The following NCCRP1 variants were observed in gnomAD, a reference collection of about 807,000 sequenced individuals.
NCCRP1 encodes the protein F-box only protein 50.
Under a neutral mutation model 34.4 loss-of-function variants are expected in NCCRP1, and 32 were observed. That is an observed-to-expected ratio of 0.93 (90% CI 0.70 to 1.25). The LOEUF is 1.25. Ranked by LOEUF, NCCRP1 falls within the 50% of genes most tolerant of loss-of-function variation. The probability of loss-of-function intolerance (pLI) is 0.00; values close to 1 mark genes in which losing one functional copy is unlikely to be tolerated. For missense variants in NCCRP1, 372 were observed against 391.8 expected (o/e 0.95, Z 0.43); for synonymous variants, 172 against 180.1 (o/e 0.95, Z 0.36).
In NCCRP1 at chr19:39,197,070, C is replaced by A. The variant is rs1450279152; in HGVS notation, c.88C>A (p.Arg30=). 2.6e-6 allele frequency: 4 copies of A among 1,530,184 alleles called. No individual in the cohort carries two copies. In the Admixed American group the frequency reaches 7.9e-5, roughly 30 times the overall value. The allele number at this position is 1,530,184 out of a possible 1,614,324, so 94.8% of individuals were successfully genotyped here. The change falls in exon 1 of 6, where the codon CGG becomes AGG. Residue 30 remains arginine (R), a synonymous_variant. Transcript: ENST00000339852. ...CCTCCAGGAGCTGCCTCCCTCGCCA[C>A]GGTCGCCTTCACCGCCGCCGTCGCC... The part of the protein sequence containing the change: ...ASLQELPPSP[R]SPSPPPSPPP...
intron 4 of NCCRP1, among the ~76,000 whole-genome samples, chr19:39,199,819 T>G (rs529335393): frequency 6.6e-6 from 1 of 152,144 alleles, no homozygotes; most frequent in Admixed American, 6.6e-5. Context: ...AGCCTATTCC[T>G]TATTTCTTAA....
At position 39,199,227 on chromosome 19, in the gene NCCRP1, G is replaced by A; in HGVS notation, c.510G>A (p.Leu170=). The A allele has an allele frequency of 6.2e-7, 1 of 1,614,076 alleles. No individual in the cohort carries two copies. The highest frequency in any genetic ancestry group is 8.5e-7 in the Non-Finnish European group (1 of 1,180,014). The change falls in exon 4 of 6, where the codon CTG becomes CTA. Residue 170 remains leucine, a synonymous_variant. Transcript: ENST00000339852. ...DLLAEGLWEE[L]LDDEQPAITV... is the part of the protein sequence containing the mutation. Reference sequence around the variant, plus strand: ...TGGCCGAGGGCCTGTGGGAGGAGCTGCTGGATGACGAACAACCAGCCATTA... The same window carrying A: ...TGGCCGAGGGCCTGTGGGAGGAGCTACTGGATGACGAACAACCAGCCATTA...
Position 39,200,289 on chromosome 19 carries a change from C to T in NCCRP1, c.549-57C>T. On this transcript the variant is annotated intron_variant, in intron 4 of 5. Coordinates refer to ENST00000339852, the MANE Select transcript of NCCRP1 (RefSeq NM_001001414.2). This position sits in a 1 kb window ranked among gnomAD's most constrained non-coding sequence, Gnocchi z 5.8. ...GTTGAATGGGGAATGGGGCCAGGGG[C>T]TGGGGCTGGGTAGCTGAGACTGCAG... 1.3e-6 allele frequency: 2 copies of T among 1,597,594 alleles called. No individual in the cohort carries two copies. The highest frequency in any genetic ancestry group is 4.5e-5 in the East Asian group (2 of 44,724).
chr19:39,199,509 C>CTTTTTTTTTTT (rs150534648), intron 4 of NCCRP1, among the ~76,000 whole-genome samples: 204 of 67,864 alleles, frequency 3.0e-3, no homozygotes, highest in Non-Finnish European at 3.8e-3. Context: ...TTTTTTCTTT[C>CTTTTTTTTTTT]TTTTTTTTTT....
chr19:39,197,160 G>T lies in NCCRP1; in HGVS notation c.178G>T (p.Glu60Ter). 6.2e-6 allele frequency: 9 copies of T among 1,450,946 alleles called. No homozygotes were observed. The highest frequency in any genetic ancestry group is 8.1e-6 in the Non-Finnish European group (9 of 1,115,186). 89.9% of individuals were successfully genotyped at this position (1,450,946 alleles called of 1,614,324 possible). A position where few individuals can be genotyped will look rare whatever the true frequency, so the allele number is the denominator to read the frequency against. ...PAAPEAPELP[E>*]PAQPSEAHAR... ...AGCCCCGGAGGCCCCCGAGCTCCCC[G>T]AGCCGGCGCAGCCGTCCGAGGCTCA... The change falls in exon 1 of 6, where the codon GAG (glutamate) becomes TAG (stop). Residue 60 changes from glutamate to a stop codon, truncating the protein, a stop_gained. Coordinates refer to ENST00000339852, the MANE Select transcript of NCCRP1 (RefSeq NM_001001414.2). LOFTEE classifies it high-confidence loss of function.
chr19:39,200,440 GC>G lies in NCCRP1; in HGVS notation c.649del (p.Arg217GlufsTer48), dbSNP rs756352900. 3.1e-6 allele frequency: 5 copies of G among 1,613,374 alleles called. No homozygotes were observed. Among genetic ancestry groups the G allele is most frequent in the Admixed American group, 3.3e-5 (2 of 60,004 alleles). Reference sequence around the variant, plus strand: ...CACGGTCATTGCTCAGCACCACGTGGCCCCCCGAACTTCTGGGAGAGGACCC... The same window carrying G: ...CACGGTCATTGCTCAGCACCACGTGGCCCCCGAACTTCTGGGAGAGGACCC... ...RRTVIAQHHV[A>X]PRTSGRGPPG... On this transcript the variant is annotated frameshift_variant, in exon 5 of 6. Coordinates refer to ENST00000339852, the MANE Select transcript of NCCRP1 (RefSeq NM_001001414.2). LOFTEE classifies it high-confidence loss of function. This position sits in a 1 kb window ranked among gnomAD's most constrained non-coding sequence, Gnocchi z 5.8.
In NCCRP1 at chr19:39,198,267, GCC is replaced by G. The variant is rs751505941; in HGVS notation, c.452+15_452+16del. On this transcript the variant is annotated intron_variant, in intron 3 of 5. Coordinates refer to ENST00000339852, the MANE Select transcript of NCCRP1 (RefSeq NM_001001414.2). ...GCAGAACCAAAGGTGAGTCGCCAGG[GCC>G]AGTGTGGCTTACACTCCATTCCCTG... 1.9e-6 allele frequency: 3 copies of G among 1,613,884 alleles called. No individual in the cohort carries two copies. The South Asian group carries it at 3.3e-5, about 18-fold the overall frequency.
chr19:39,198,281 C>T, intron 3 of NCCRP1, 28 bp downstream of exon 3: 1 of 1,611,626 alleles, frequency 6.2e-7, no homozygotes, highest in Admixed American at 1.7e-5. Flanking sequence ...GTGTGGCTTA[C>T]ACTCCATTCC....
At position 39,199,220 on chromosome 19, in the gene NCCRP1, A is replaced by C. The variant is rs1274396600; in HGVS notation, c.503A>C (p.Glu168Ala). Reference sequence around the variant, plus strand: ...GACCTTCTGGCCGAGGGCCTGTGGGAGGAGCTGCTGGATGACGAACAACCA... The same window carrying C: ...GACCTTCTGGCCGAGGGCCTGTGGGCGGAGCTGCTGGATGACGAACAACCA... The part of the protein sequence containing the change: ...CVDLLAEGLW[E>A]ELLDDEQPAI... Residue 168 changes from glutamate (E) to alanine (A), a missense_variant, in exon 4 of 6, where the codon GAG (glutamate) becomes GCG (alanine). By Grantham distance (107) the Glu-to-Ala change is moderately radical (BLOSUM62 -1). Transcript: ENST00000339852. 1.2e-6 allele frequency: 2 copies of C among 1,613,878 alleles called. No individual in the cohort carries two copies. The highest frequency in any genetic ancestry group is 1.7e-6 in the Non-Finnish European group (2 of 1,180,018).
chr19:39,199,487 C>CA (rs2074777991), intron 4 of NCCRP1, among the ~76,000 whole-genome samples: 1 of 60,870 alleles, frequency 1.6e-5, no homozygotes. Flanking sequence ...TTTTTCTTTT[C>CA]TTTTTTTTTT....
In NCCRP1 at chr19:39,200,259, T is replaced by G; in HGVS notation, c.549-87T>G. On this transcript the variant is annotated intron_variant, in intron 4 of 5. Coordinates refer to ENST00000339852, the MANE Select transcript of NCCRP1 (RefSeq NM_001001414.2). This position sits in a 1 kb window ranked among gnomAD's most constrained non-coding sequence, Gnocchi z 5.8. Reference sequence around the variant, plus strand: ...GCTGTGTACAGCATGGGTAGCAGCATGTGTGTTGAATGGGGAATGGGGCCA... The same window carrying G: ...GCTGTGTACAGCATGGGTAGCAGCAGGTGTGTTGAATGGGGAATGGGGCCA... 5.9e-6 allele frequency: 9 copies of G among 1,514,984 alleles called. No individual in the cohort carries two copies. Among genetic ancestry groups the G allele is most frequent in the African/African-American group, 1.4e-5 (1 of 73,514 alleles). The allele number at this position is 1,514,984 out of a possible 1,614,324, so 93.8% of individuals were successfully genotyped here. A position where few individuals can be genotyped will look rare whatever the true frequency, so the allele number is the denominator to read the frequency against.
chr19:39,197,344 G>A, intron 1 of NCCRP1, 25 bp downstream of exon 1: 1 of 1,412,906 alleles, frequency 7.1e-7, no homozygotes, highest in Non-Finnish European at 9.1e-7. Context: ...AGAGCAGCCA[G>A]GAGGCACCAC....
rs145362201 is a variant in NCCRP1, at chr19:39,200,413, C to T, written c.616C>T (p.Arg206Cys). The part of the protein sequence containing the change: ...LHVWLLAADR[R>C]TVIAQHHVAP... ...TGTCTGGCTGCTGGCGGCCGACCGC[C>T]GCACGGTCATTGCTCAGCACCACGT... Residue 206 changes from arginine to cysteine, a missense_variant, in exon 5 of 6, where the codon CGC (arginine) becomes TGC (cysteine). Transcript: ENST00000339852. The surrounding 1 kb of genome is among the most constrained non-coding windows in gnomAD (Gnocchi z 5.8). 105 of 1,613,412 alleles carry T rather than the reference C, an allele frequency of 6.5e-5. No individual in the cohort carries two copies. The highest frequency in any genetic ancestry group is 8.3e-5 in the Admixed American group (5 of 60,000).
Position 39,200,495 on chromosome 19 carries a change from C to G in NCCRP1, c.687+11C>G, listed in dbSNP as rs750937492. 1.9e-6 allele frequency: 3 copies of G among 1,612,166 alleles called. No homozygotes were observed. Among genetic ancestry groups the G allele is most frequent in the Non-Finnish European group, 1.7e-6 (2 of 1,179,504 alleles). ...GGCCGCTGGGTCCAGGTGAGACTCTCCGCGCCGGGGCCCTCAACCCCAGAC... is the reference window on the plus strand; with the variant it reads ...GGCCGCTGGGTCCAGGTGAGACTCTGCGCGCCGGGGCCCTCAACCCCAGAC... On this transcript the variant is annotated intron_variant, in intron 5 of 5. Transcript: ENST00000339852. This position sits in a 1 kb window ranked among gnomAD's most constrained non-coding sequence, Gnocchi z 5.8.
In NCCRP1 at chr19:39,200,479, G is replaced by C. The variant is rs757809951; in HGVS notation, c.682G>C (p.Val228Leu). Residue 228 changes from valine to leucine, a missense_variant, in exon 5 of 6, where the codon GTC (valine) becomes CTC (leucine). By Grantham distance (32) the Val-to-Leu change is conservative. Transcript: ENST00000339852. The surrounding 1 kb of genome is among the most constrained non-coding windows in gnomAD (Gnocchi z 5.8). ...TGGGAGAGGACCCCCTGGCCGCTGG[G>C]TCCAGGTGAGACTCTCCGCGCCGGG... ...TSGRGPPGRW[V>L]QVSHVFRHYG... is the part of the protein sequence containing the mutation. The C allele has an allele frequency of 4.3e-5, 69 of 1,613,218 alleles. No homozygotes were observed. Among genetic ancestry groups the C allele is most frequent in the Non-Finnish European group, 5.8e-5 (69 of 1,180,006 alleles).
chr19:39,199,075 C>G (rs1048785061), intron 3 of NCCRP1, 95 bp from the exon 4 acceptor site: 1 of 1,200,928 alleles, frequency 8.3e-7, no homozygotes, highest in Admixed American at 1.7e-5. Flanking sequence ...GTGTGGGGAC[C>G]CAAGCTATCC....
intron 3 of NCCRP1, 39 bp downstream of exon 3, chr19:39,198,292 C>T: frequency 6.2e-7 from 1 of 1,602,778 alleles, no homozygotes; most frequent in Non-Finnish European, 8.5e-7. Flanking sequence ...ACTCCATTCC[C>T]TGCTCCACCC....
chr19:39,199,026 TG>T (rs1372720365), intron 3 of NCCRP1, 143 bp from the exon 4 acceptor site: 1 of 683,716 alleles, frequency 1.5e-6, no homozygotes, highest in African/African-American at 1.8e-5. Context: ...GAGGGGCCCG[TG>T]GGAACTGAGA....
intron 4 of NCCRP1, among the ~76,000 whole-genome samples, chr19:39,199,509 CTTTTTTTT>C (rs150534648): frequency 3.8e-4 from 26 of 67,864 alleles, no homozygotes; most frequent in South Asian, 2.2e-3. Context: ...TTTTTTCTTT[CTTTTTTTT>C]TTTTTTTTTT....
Sources: allele counts gnomAD v4.1 joint callset (sites outside exome capture counted in the v4.1 genomes callset), GRCh38; gene constraint gnomAD v4.1.1; non-coding constraint Gnocchi (gnomAD v3.1); transcripts MANE v1.5; gene names NCBI Gene and HGNC (gene_info 2026-07-23, HGNC 2026-07-21).